The following TBCA variants were observed in gnomAD, a reference collection of about 807,000 sequenced individuals.
TBCA encodes the protein tubulin-specific chaperone A.
A neutral mutation model predicts 15.8 loss-of-function variants in TBCA; 6 were observed. The observed-to-expected ratio is 0.38, with a 90% CI of 0.21 to 0.75. The LOEUF is 0.75. Ranked by LOEUF, TBCA falls within the 30% of genes least tolerant of loss-of-function variation. TBCA has a pLI of 0.46. For missense variants in TBCA, 90 were observed against 131.2 expected, an observed-to-expected ratio of 0.69 and a Z score of 1.53; for synonymous variants, 32 against 42.3, an observed-to-expected ratio of 0.76 and a Z score of 0.94.
intron 1 of TBCA, among the ~76,000 whole-genome samples, chr5:77,732,628 T>G (rs1163607646): frequency 2.0e-5 from 3 of 152,078 alleles, no homozygotes; most frequent in African/African-American, 7.2e-5. Flanking sequence ...GTGCCTTTTT[T>G]CCAAAAGCAT....
At chr5:77,741,378 C>T (rs1208229323) in intron 1 of TBCA, among the ~76,000 whole-genome samples, 3 of 152,064 alleles carry the variant, frequency 2.0e-5, no homozygotes, top group African/African-American at 4.8e-5. Flanking sequence ...GGATTGAGAT[C>T]ACAGAATGTT....
intron 2 of TBCA, 144 bp from the exon 3 acceptor site, chr5:77,693,496 G>C (rs1469296196): frequency 1.9e-6 from 2 of 1,036,960 alleles, no homozygotes; most frequent in Admixed American, 5.2e-5. Flanking sequence ...AACTTAAATT[G>C]TATTTATTAG....
intron 1 of TBCA, among the ~76,000 whole-genome samples, chr5:77,712,122 T>C (rs1325283578): frequency 6.6e-6 from 1 of 152,194 alleles, no homozygotes; most frequent in African/African-American, 2.4e-5. Flanking sequence ...ACAAGTCAGA[T>C]GATGCTAAAG....
In TBCA at chr5:77,765,014, TAAA is replaced by T. The variant is rs978738064; in HGVS notation, c.53+11188_53+11190del. On this transcript the variant is annotated intron_variant, in intron 1 of 3. Transcript: ENST00000380377. ...TTTTAAATATATTTGTTAATTTACT[TAAA>T]AATAACAAAATCAATGTACAATGTT... 3.3e-5 allele frequency among the ~76,000 whole-genome samples: 5 copies of T among 151,934 alleles called. No homozygotes were observed. In the South Asian group the frequency reaches 8.4e-4, roughly 25 times the overall value.
At chr5:77,735,259 C>A (rs1379309653) in intron 1 of TBCA, among the ~76,000 whole-genome samples, 2 of 152,132 alleles carry the variant, frequency 1.3e-5, no homozygotes, top group Non-Finnish European at 2.9e-5. Context: ...TCAAATTTTA[C>A]TCAGATTGGC....
chr5:77,745,829 T>C (rs1747173297), intron 1 of TBCA, among the ~76,000 whole-genome samples: 1 of 152,212 alleles, frequency 6.6e-6, no homozygotes, highest in Non-Finnish European at 1.5e-5. Flanking sequence ...GTACTAGCTA[T>C]CATTTCACAT....
chr5:77,700,047 A>G lies in TBCA; in HGVS notation c.160-6695T>C, dbSNP rs534517844. On this transcript the variant is annotated intron_variant, in intron 2 of 3. Transcript: ENST00000380377. ...CTCTGACTCAAAAAAAAAAAAAAAA[A>G]AAAGAAAATTAGCCAGACATGGTGG... 1.4e-3 allele frequency among the ~76,000 whole-genome samples: 211 copies of G among 149,970 alleles called. 3 individuals carry two copies. The highest frequency in any genetic ancestry group is 6.5e-4 in the Non-Finnish European group (44 of 67,556).
At chr5:77,765,996 T>C (rs1376254273) in intron 1 of TBCA, among the ~76,000 whole-genome samples, 3 of 152,166 alleles carry the variant, frequency 2.0e-5, no homozygotes. Context: ...TATACATGTA[T>C]ACTGCATAAC....
intron 1 of TBCA, among the ~76,000 whole-genome samples, chr5:77,766,264 A>G (rs1435221540): frequency 6.6e-6 from 1 of 152,164 alleles, no homozygotes; most frequent in Non-Finnish European, 1.5e-5. Flanking sequence ...GTAAACTACA[A>G]AAACTTTTTG....
chr5:77,691,811 C>T lies in TBCA; in HGVS notation c.247-313G>A, dbSNP rs193070011. 355 of 1,034,770 alleles carry T rather than the reference C, an allele frequency of 3.4e-4. 1 individual carries two copies. In the African/African-American group the frequency reaches 5.6e-3, roughly 16 times the overall value. 64.1% of individuals were successfully genotyped at this position (1,034,770 alleles called of 1,614,324 possible). On this transcript the variant is annotated intron_variant, in intron 3 of 3. Transcript: ENST00000380377. ...AAAAAGTTTATTCTCATTTTGTTGACCCATCATCATCATACAAAAGAGAAA... is the reference window on the plus strand; with the variant it reads ...AAAAAGTTTATTCTCATTTTGTTGATCCATCATCATCATACAAAAGAGAAA...
chr5:77,752,881 G>A (rs1189893645), intron 1 of TBCA, among the ~76,000 whole-genome samples: 1 of 152,040 alleles, frequency 6.6e-6, no homozygotes, highest in Non-Finnish European at 1.5e-5. Context: ...TAATAGAGAC[G>A]GAGTTTCACC....
chr5:77,710,385 C>A (rs1208540195), intron 1 of TBCA, among the ~76,000 whole-genome samples: 1 of 152,048 alleles, frequency 6.6e-6, no homozygotes, highest in Non-Finnish European at 1.5e-5. Flanking sequence ...AAAATAAAAT[C>A]ATTAATGCAT....
chr5:77,764,917 T>C (rs1361116249), intron 1 of TBCA, among the ~76,000 whole-genome samples: 1 of 152,164 alleles, frequency 6.6e-6, no homozygotes, highest in Non-Finnish European at 1.5e-5. Flanking sequence ...GCTTTGTTTA[T>C]GTGAATTATC....
At chr5:77,725,821 T>C (rs1471149800) in intron 1 of TBCA, among the ~76,000 whole-genome samples, 1 of 152,254 alleles carries the variant, frequency 6.6e-6, no homozygotes, top group Non-Finnish European at 1.5e-5. Flanking sequence ...ATGAGTTATA[T>C]TGCAGATACA....
intron 1 of TBCA, among the ~76,000 whole-genome samples, chr5:77,752,440 T>C (rs1231256919): frequency 6.6e-6 from 1 of 152,232 alleles, no homozygotes; most frequent in Non-Finnish European, 1.5e-5. Context: ...CTCCGCTCAC[T>C]GCAACCTCCG....
intron 1 of TBCA, among the ~76,000 whole-genome samples, chr5:77,723,271 T>G (rs1746564034): frequency 6.6e-6 from 1 of 151,880 alleles, no homozygotes; most frequent in African/African-American, 2.4e-5. Flanking sequence ...TATTACAATT[T>G]TTTTTTAAAA....
chr5:77,718,978 T>C (rs1488220594), intron 1 of TBCA, among the ~76,000 whole-genome samples: 1 of 152,248 alleles, frequency 6.6e-6, no homozygotes, highest in Non-Finnish European at 1.5e-5. Context: ...AGCATATTTA[T>C]CTGCATCATC....
At chr5:77,752,118 C>T (rs1174968190) in intron 1 of TBCA, among the ~76,000 whole-genome samples, 1 of 152,160 alleles carries the variant, frequency 6.6e-6, no homozygotes. Context: ...GCAGCATTTA[C>T]AATTAAGAAA....
At chr5:77,717,206 A>C (rs891190704) in intron 1 of TBCA, among the ~76,000 whole-genome samples, 4 of 152,222 alleles carry the variant, frequency 2.6e-5, no homozygotes, top group Non-Finnish European at 4.4e-5. Context: ...ATTGCAGGCG[A>C]TAATAAATAT....
Sources: allele counts gnomAD v4.1 joint callset (sites outside exome capture counted in the v4.1 genomes callset), GRCh38; gene constraint gnomAD v4.1.1; transcripts MANE v1.5; gene names NCBI Gene and HGNC (gene_info 2026-07-23, HGNC 2026-07-21).